DENND6A: variants seen among roughly 807,000 people sequenced by gnomAD.
DENND6A encodes the protein protein DENND6A.
Under a neutral mutation model 95.5 loss-of-function variants are expected in DENND6A, and 43 were observed. That is an observed-to-expected ratio of 0.45 (90% CI 0.35 to 0.58). DENND6A has a LOEUF of 0.58. Ranked by LOEUF, DENND6A falls within the 20% of genes least tolerant of loss-of-function variation. DENND6A has a pLI of 0.00. For synonymous variants in DENND6A, 257 were observed against 260.4 expected, an observed-to-expected ratio of 0.99 and a Z score of 0.13; for missense variants, 574 against 736.0, an observed-to-expected ratio of 0.78 and a Z score of 2.55.
At chr3:57,629,162 C>T (rs144641380) in intron 18 of DENND6A, among the ~76,000 whole-genome samples, 25 of 152,266 alleles carry the variant, frequency 1.6e-4, no homozygotes, top group African/African-American at 5.5e-4. Flanking sequence ...AACAAAATTG[C>T]AGCTCAAACT....
chr3:57,663,752 G>T (rs763538192), intron 4 of DENND6A, 36 bp from the exon 5 acceptor site: 4 of 1,304,206 alleles, frequency 3.1e-6, no homozygotes, highest in South Asian at 2.8e-5. Context: ...TGTGTGGGGG[G>T]GTACATATAT....
chr3:57,650,257 C>T (rs1174858106), intron 9 of DENND6A, among the ~76,000 whole-genome samples: 4 of 151,300 alleles, frequency 2.6e-5, no homozygotes, highest in African/African-American at 9.7e-5. Context: ...ATTCATGCAA[C>T]CAAACACCAC....
intron 3 of DENND6A, among the ~76,000 whole-genome samples, chr3:57,671,638 G>A (rs556064335): frequency 6.6e-6 from 1 of 152,150 alleles, no homozygotes; most frequent in East Asian, 1.9e-4. Flanking sequence ...GTCACTATAA[G>A]CCAAGAAAAG....
rs992404426 is a variant in DENND6A, at chr3:57,626,993, G to A, written c.*1221C>T. 6.6e-6 allele frequency: 1 copy of A among 151,902 alleles called. No individual in the cohort carries two copies. The highest frequency in any genetic ancestry group is 2.4e-5 in the African/African-American group (1 of 41,346). 9.4% of individuals were successfully genotyped at this position (151,902 alleles called of 1,614,324 possible). ...ATCAATCTTATCATCACTCAAATAA[G>A]TATCACATAAAAAACTCATGAATGC... On this transcript the variant is annotated 3_prime_UTR_variant, in exon 20 of 20. Coordinates refer to ENST00000311128, the MANE Select transcript of DENND6A (RefSeq NM_152678.3).
chr3:57,688,146 C>A (rs930312627), intron 1 of DENND6A, among the ~76,000 whole-genome samples: 7 of 151,882 alleles, frequency 4.6e-5, no homozygotes, highest in Non-Finnish European at 7.4e-5. Context: ...CAGGAATGTG[C>A]CACCAAGCTG....
chr3:57,672,570 G>A (rs2153416449), intron 1 of DENND6A, 132 bp from the exon 2 acceptor site: 2 of 903,292 alleles, frequency 2.2e-6, no homozygotes, highest in South Asian at 1.6e-5. Flanking sequence ...ATCACTTGAG[G>A]TCAGGTGTTT....
At chr3:57,653,266 T>C (rs969838450) in intron 9 of DENND6A, among the ~76,000 whole-genome samples, 7 of 152,190 alleles carry the variant, frequency 4.6e-5, no homozygotes, top group African/African-American at 7.2e-5. Flanking sequence ...TTGCAAATTA[T>C]TGTCTTTCAA....
intron 1 of DENND6A, among the ~76,000 whole-genome samples, chr3:57,684,333 C>T (rs1361325176): frequency 6.7e-6 from 1 of 150,080 alleles, no homozygotes; most frequent in Non-Finnish European, 1.5e-5. Context: ...TGCGGTGGCA[C>T]GTGCCTGTAA....
At chr3:57,654,467 A>C (rs1180385685) in intron 9 of DENND6A, among the ~76,000 whole-genome samples, 1 of 152,142 alleles carries the variant, frequency 6.6e-6, no homozygotes, top group African/African-American at 2.4e-5. Context: ...AGCCAAAATA[A>C]CTTGTTTCTC....
intron 1 of DENND6A, among the ~76,000 whole-genome samples, chr3:57,676,483 G>C (rs1034160298): frequency 6.6e-6 from 1 of 151,504 alleles, no homozygotes; most frequent in Non-Finnish European, 1.5e-5. Context: ...CAAAAGCATG[G>C]CACACATGCC....
rs774274976 is a variant in DENND6A, at chr3:57,630,823, C to A, written c.1409G>T (p.Ser470Ile). 42 of 1,612,718 alleles carry A rather than the reference C, an allele frequency of 2.6e-5. No individual in the cohort carries two copies. The highest frequency in any genetic ancestry group is 3.5e-5 in the Non-Finnish European group (41 of 1,179,618). ...AAGAAACTGTCTTAATTGAGGTGGA[C>A]TCTAGAAAACAGGACATATAATATT... ...PLQKSISPWK[S>I]PPQLRQFLPE... The change falls in exon 17 of 20, where the codon AGT becomes ATT. Residue 470 changes from serine (S) to isoleucine (I), a missense_variant and splice_region_variant. Ser to Ile is a moderately radical substitution (Grantham distance 142). This residue lies in a region of DENND6A where 452 missense variants were observed against 630.9 expected (regional missense o/e 0.72). Transcript: ENST00000311128.
Position 57,645,714 on chromosome 3 carries a change from A to C in DENND6A, c.984T>G (p.Tyr328Ter). The stretch of plus-strand genomic sequence containing the variant: ...TGAATTCACTATCATGAATAGTGAA[A>C]TAAGGTCGGAAATCACTGAAGTACT... The part of the protein sequence containing the change: ...PLKYFSDFRP[Y>*]FTIHDSEFKE... The change falls in exon 11 of 20, where the codon TAT becomes TAG. Residue 328 changes from tyrosine to a stop codon, truncating the protein, a stop_gained. Coordinates refer to ENST00000311128, the MANE Select transcript of DENND6A (RefSeq NM_152678.3). LOFTEE classifies it high-confidence loss of function. 1 of 1,613,566 alleles carries C rather than the reference A, an allele frequency of 6.2e-7. No homozygotes were observed. Among genetic ancestry groups the C allele is most frequent in the Non-Finnish European group, 8.5e-7 (1 of 1,179,696 alleles).
At chr3:57,658,215 G>A (rs2071363131) in intron 8 of DENND6A, among the ~76,000 whole-genome samples, 2 of 150,174 alleles carry the variant, frequency 1.3e-5, no homozygotes, top group South Asian at 4.2e-4. Flanking sequence ...CAGCCTAGGT[G>A]ACAGAGCGAG....
chr3:57,657,558 TA>T (rs2071351132), intron 9 of DENND6A, 121 bp downstream of exon 9: 2 of 643,828 alleles, frequency 3.1e-6, no homozygotes, highest in Admixed American at 6.3e-5. Context: ...TTATAACATG[TA>T]AAACATAACT....
chr3:57,653,520 C>T (rs1559816332), intron 9 of DENND6A, among the ~76,000 whole-genome samples: 1 of 151,660 alleles, frequency 6.6e-6, no homozygotes, highest in Non-Finnish European at 1.5e-5. Flanking sequence ...CTGAGGCGGG[C>T]AGATCGTGAG....
At chr3:57,650,597 C>T (rs1029085998) in intron 9 of DENND6A, among the ~76,000 whole-genome samples, 1 of 151,982 alleles carries the variant, frequency 6.6e-6, no homozygotes, top group Non-Finnish European at 1.5e-5. Flanking sequence ...AGAGAAATGG[C>T]TGGTTCTAGG....
intron 1 of DENND6A, among the ~76,000 whole-genome samples, chr3:57,690,873 A>G (rs1278877043): frequency 6.6e-6 from 1 of 152,194 alleles, no homozygotes; most frequent in Admixed American, 6.5e-5. Flanking sequence ...GGAACCACAT[A>G]CATGATTTCA....
In DENND6A at chr3:57,657,732, C is replaced by G. The variant is rs2071354765; in HGVS notation, c.766G>C (p.Asp256His). Residue 256 changes from aspartate (D) to histidine (H), a missense_variant, in exon 9 of 20, where the codon GAC (aspartate) becomes CAC (histidine). Asp to His is a moderately conservative substitution (Grantham distance 81). Around this residue, in one of 2 missense-constraint regions of DENND6A, gnomAD observed 452 missense variants for 630.9 expected, o/e 0.72. Coordinates refer to ENST00000311128, the MANE Select transcript of DENND6A (RefSeq NM_152678.3). ...GGTAAAATAACAGATATATTTGTGT[C>G]CACCTGAGAGATAGAAAAGAAAAAT... ...TQIVQLTQQV[D>H]TNISVILPTV... 1 of 1,576,334 alleles carries G rather than the reference C, an allele frequency of 6.3e-7. No homozygotes were observed. Among genetic ancestry groups the G allele is most frequent in the Admixed American group, 1.8e-5 (1 of 55,234 alleles).
intron 8 of DENND6A, among the ~76,000 whole-genome samples, chr3:57,658,639 T>C (rs2071371402): frequency 6.6e-6 from 1 of 152,218 alleles, no homozygotes; most frequent in African/African-American, 2.4e-5. Context: ...CCTACTGCTA[T>C]CTGTTTTTTA....
Sources: gnomAD v4.1 joint callset for allele counts (sites outside exome capture counted in the v4.1 genomes callset) on GRCh38, gnomAD v4.1.1 for gene constraint, gnomAD v4.1.1 regional missense constraint, MANE v1.5 for transcripts, NCBI Gene and HGNC (gene_info 2026-07-23, HGNC 2026-07-21) for gene names.